The following CSMD1 variants were observed in gnomAD, a reference collection of about 807,000 sequenced individuals.
CSMD1 encodes the protein CUB and sushi domain-containing protein 1.
Under a neutral mutation model 417.5 loss-of-function variants are expected in CSMD1, and 213 were observed. The observed-to-expected ratio is 0.51, with a 90% CI of 0.46 to 0.57. The LOEUF (loss-of-function observed/expected upper bound fraction) is 0.57, where lower values mean the gene tolerates loss of function less well. Ranked by LOEUF, CSMD1 falls within the 20% of genes least tolerant of loss-of-function variation. CSMD1 has a pLI of 0.00. For missense variants in CSMD1, 6,923 were observed against 4,529.7 expected, an observed-to-expected ratio of 1.53 and a Z score of -15.17; for synonymous variants, 2,862 against 1,736.8, an observed-to-expected ratio of 1.65 and a Z score of -16.11.
intron 1 of CSMD1, among the ~76,000 whole-genome samples, chr8:4,878,630 C>T (rs868103203): frequency 2.6e-5 from 4 of 151,906 alleles, no homozygotes; most frequent in African/African-American, 9.7e-5. Context: ...AAATTATGCT[C>T]TCTCAAAATT....
At chr8:3,595,046 C>G (rs963551005) in intron 8 of CSMD1, among the ~76,000 whole-genome samples, 5 of 152,328 alleles carry the variant, frequency 3.3e-5, no homozygotes, top group South Asian at 2.1e-4. Context: ...CACGTGAACC[C>G]TTGGGAACAT....
chr8:4,051,455 G>A (rs1006904540), intron 3 of CSMD1, among the ~76,000 whole-genome samples: 1 of 152,104 alleles, frequency 6.6e-6, no homozygotes, highest in South Asian at 2.1e-4. Context: ...AGAATTCAAA[G>A]CGCCCTACAC....
At chr8:4,964,821 C>A (rs189198879) in intron 1 of CSMD1, among the ~76,000 whole-genome samples, 3 of 152,262 alleles carry the variant, frequency 2.0e-5, no homozygotes, top group Admixed American at 6.5e-5. Flanking sequence ...CTGTTGTGCA[C>A]CCACGATGGA....
At chr8:3,278,269 T>G (rs1802459198) in intron 26 of CSMD1, 1 of 152,222 alleles carries the variant, frequency 6.6e-6, no homozygotes, top group Non-Finnish European at 1.5e-5. Context: ...AGTGCAACCC[T>G]GATGTTAAAT....
intron 5 of CSMD1, among the ~76,000 whole-genome samples, chr8:3,974,797 A>T (rs1585060807): frequency 6.6e-6 from 1 of 152,126 alleles, no homozygotes; most frequent in African/African-American, 2.4e-5. Flanking sequence ...ATTAATTCAC[A>T]ATTTTTTATA....
At chr8:4,021,852 C>T (rs1480597312) in intron 4 of CSMD1, among the ~76,000 whole-genome samples, 2 of 152,008 alleles carry the variant, frequency 1.3e-5, no homozygotes, top group African/African-American at 2.4e-5. Context: ...TCAGAGATAA[C>T]AATGAAATAG....
intron 50 of CSMD1, among the ~76,000 whole-genome samples, chr8:3,048,913 T>C (rs1028241868): frequency 9.5e-5 from 14 of 146,934 alleles, no homozygotes; most frequent in African/African-American, 3.5e-4. Flanking sequence ...TGGCTAAAAA[T>C]GGGCAAAAGG....
intron 1 of CSMD1, among the ~76,000 whole-genome samples, chr8:4,691,906 G>A (rs934862136): frequency 3.3e-5 from 5 of 152,134 alleles, no homozygotes; most frequent in African/African-American, 9.7e-5. Flanking sequence ...ACTCAGTTTG[G>A]GGACATTTTC....
intron 3 of CSMD1, among the ~76,000 whole-genome samples, chr8:4,369,039 G>C (rs551802394): frequency 8.5e-4 from 130 of 152,064 alleles, no homozygotes; most frequent in African/African-American, 2.9e-3. Context: ...TTTGATGTTA[G>C]GTTGCTAATT....
At chr8:3,584,985 A>C (rs1800536303) in intron 9 of CSMD1, among the ~76,000 whole-genome samples, 1 of 152,178 alleles carries the variant, frequency 6.6e-6, no homozygotes, top group Non-Finnish European at 1.5e-5. Flanking sequence ...AGCCATGTGC[A>C]TTTCCTGGAC....
intron 2 of CSMD1, among the ~76,000 whole-genome samples, chr8:4,510,261 G>A (rs896714333): frequency 5.9e-5 from 9 of 151,626 alleles, no homozygotes; most frequent in African/African-American, 2.2e-4. Context: ...CTTTATAAAT[G>A]ACCAAGTCTT....
intron 5 of CSMD1, among the ~76,000 whole-genome samples, chr8:3,846,289 T>C (rs961608734): frequency 2.6e-5 from 4 of 152,180 alleles, no homozygotes; most frequent in Non-Finnish European, 5.9e-5. Flanking sequence ...TGTCAATAGG[T>C]GATAGGAATA....
chr8:3,780,683 G>C (rs926858111), intron 5 of CSMD1, among the ~76,000 whole-genome samples: 2 of 152,198 alleles, frequency 1.3e-5, no homozygotes, highest in Non-Finnish European at 2.9e-5. Flanking sequence ...CGCTTCAGTT[G>C]TCGGCAGAAA....
chr8:3,528,238 G>C (rs1406627861), intron 10 of CSMD1, among the ~76,000 whole-genome samples: 1 of 152,238 alleles, frequency 6.6e-6, no homozygotes, highest in Non-Finnish European at 1.5e-5. Context: ...ATTATGTGTT[G>C]TGGAAAGGGA....
chr8:3,039,427 T>C (rs1810932028), intron 50 of CSMD1, among the ~76,000 whole-genome samples: 2 of 141,944 alleles, frequency 1.4e-5, no homozygotes, highest in South Asian at 5.2e-4. Flanking sequence ...CTCCCTCCCT[T>C]CCTTCCTCCC....
rs187483508 is a variant in CSMD1 at position 3,036,917 on chromosome 8, C to A, written c.7661-7404G>T. 3.4e-3 allele frequency among the ~76,000 whole-genome samples: 515 copies of A among 152,252 alleles called. 4 individuals are homozygous for A. Among genetic ancestry groups the A allele is most frequent in the African/African-American group, 9.6e-3 (400 of 41,550 alleles). ...ATTTCTGGGATTTCAGTGCACCTGTCATCCAAGCAGTGTGCACTGTATCCA... is the reference window on the plus strand; with the variant it reads ...ATTTCTGGGATTTCAGTGCACCTGTAATCCAAGCAGTGTGCACTGTATCCA... On this transcript the variant is annotated intron_variant, in intron 50 of 69. Coordinates refer to ENST00000635120, the MANE Select transcript of CSMD1 (RefSeq NM_033225.6).
At chr8:3,404,226 C>G (rs981388597) in intron 15 of CSMD1, among the ~76,000 whole-genome samples, 1 of 151,678 alleles carries the variant, frequency 6.6e-6, no homozygotes, top group Admixed American at 6.6e-5. Context: ...CCCAGTTACT[C>G]AGGAAGGCTG....
intron 10 of CSMD1, among the ~76,000 whole-genome samples, chr8:3,563,018 T>G (rs1460485708): frequency 2.0e-5 from 3 of 152,210 alleles, no homozygotes; most frequent in Admixed American, 6.5e-5. Context: ...AAAGAGAAAG[T>G]AGAAGCATTT....
chr8:4,049,543 CTTA>C (rs1798314821), intron 3 of CSMD1, among the ~76,000 whole-genome samples: 1 of 152,008 alleles, frequency 6.6e-6, no homozygotes, highest in Non-Finnish European at 1.5e-5. Context: ...GGGCCAACCT[CTTA>C]CCTGACTTCT....
Sources: allele counts gnomAD v4.1 joint callset (sites outside exome capture counted in the v4.1 genomes callset), GRCh38; gene constraint gnomAD v4.1.1; transcripts MANE v1.5; gene names NCBI Gene and HGNC (gene_info 2026-07-23, HGNC 2026-07-21).